Variants in CLASRP observed in about 807,000 individuals in gnomAD.
CLASRP encodes CLK4 associating serine/arginine rich protein, also known as CLK4-associating serine/arginine rich protein.
CLASRP carries 52 observed loss-of-function variants against 99.9 expected under a neutral mutation model. The observed-to-expected ratio is 0.52, with a 90% confidence interval of 0.42 to 0.66. CLASRP has a LOEUF of 0.66. Ranked by LOEUF, CLASRP falls within the 30% of genes least tolerant of loss-of-function variation. The pLI is 0.00. For synonymous variants in CLASRP, 379 were observed against 373.0 expected (o/e 1.02, Z -0.18); for missense variants, 848 against 999.2 (o/e 0.85, Z 2.04).
chr19:45,061,618 G>A (rs571477008), intron 10 of CLASRP, among the ~76,000 whole-genome samples: 11 of 152,174 alleles, frequency 7.2e-5, no homozygotes, highest in African/African-American at 2.4e-4. Flanking sequence ...ACTGGTATGC[G>A]TCACCACGCC....
chr19:45,070,192 C>T (rs1230501945), intron 19 of CLASRP, 88 bp downstream of exon 19: 15 of 869,410 alleles, frequency 1.7e-5, no homozygotes, highest in East Asian at 4.9e-5. Flanking sequence ...TACAGCCGGG[C>T]GCGGTGGCTC....
chr19:45,056,234 A>G (rs1038732158), intron 5 of CLASRP, among the ~76,000 whole-genome samples: 2 of 152,180 alleles, frequency 1.3e-5, no homozygotes, highest in Non-Finnish European at 2.9e-5. Context: ...TGAGGCACAG[A>G]TGTGTTAAGT....
intron 2 of CLASRP, among the ~76,000 whole-genome samples, chr19:45,043,057 G>A (rs2122526061): frequency 6.6e-6 from 1 of 152,188 alleles, no homozygotes; most frequent in African/African-American, 2.4e-5. Flanking sequence ...TTCAGGCTGT[G>A]CTTATAAAGT....
intron 2 of CLASRP, among the ~76,000 whole-genome samples, chr19:45,051,277 C>T (rs1233337670): frequency 1.3e-5 from 2 of 152,066 alleles, no homozygotes; most frequent in African/African-American, 4.8e-5. Context: ...ATTGAGCCAC[C>T]ACCTCGAGAG....
intron 11 of CLASRP, among the ~76,000 whole-genome samples, chr19:45,062,698 C>G (rs1313612555): frequency 6.6e-6 from 1 of 152,164 alleles, no homozygotes; most frequent in African/African-American, 2.4e-5. Context: ...TTTTCTTTAT[C>G]TTTGAAGCTT....
Position 45,069,237 on chromosome 19 carries a change from G to C in CLASRP, c.1863G>C (p.Lys621Asn). Reference sequence around the variant, plus strand: ...ACGAGCTTCGAGCCATGGCCCGCAAGATCCGCATGAAGTAAGACCTTGCCC... The same window carrying C: ...ACGAGCTTCGAGCCATGGCCCGCAACATCCGCATGAAGTAAGACCTTGCCC... Reference protein sequence around the residue: ...REDELRAMARKIRMKERERRE... With the variant: ...REDELRAMARNIRMKERERRE... The change falls in exon 18 of 21, where the codon AAG (lysine) becomes AAC (asparagine). Residue 621 changes from lysine to asparagine, a missense_variant. Around this residue, in one of 8 missense-constraint regions of CLASRP, gnomAD observed 116 missense variants for 162.7 expected, o/e 0.71. Transcript: ENST00000221455. 6.2e-7 allele frequency: 1 copy of C among 1,613,636 alleles called. No individual in the cohort carries two copies. The highest frequency in any genetic ancestry group is 1.8e-4 in the Middle Eastern group (1 of 5,638).
At chr19:45,056,692 G>T (rs866374554) in intron 6 of CLASRP, among the ~76,000 whole-genome samples, 158 bp downstream of exon 6, 1 of 152,184 alleles carries the variant, frequency 6.6e-6, no homozygotes, top group Non-Finnish European at 1.5e-5. Context: ...TGTAGAGGAA[G>T]AAGCCCTGTC....
intron 11 of CLASRP, among the ~76,000 whole-genome samples, chr19:45,063,013 C>T (rs1017931450): frequency 4.4e-4 from 67 of 152,212 alleles, no homozygotes; most frequent in Non-Finnish European, 7.5e-4. Context: ...ATGGGATCTT[C>T]CTCATGGGGC....
intron 1 of CLASRP, among the ~76,000 whole-genome samples, 181 bp downstream of exon 1, chr19:45,039,289 G>T (rs1044085307): frequency 6.6e-6 from 1 of 152,080 alleles, no homozygotes; most frequent in Admixed American, 6.6e-5. Flanking sequence ...CCCGGCTGTG[G>T]GCCAGAAGTT....
Position 45,064,467 on chromosome 19 carries a change from C to T in CLASRP, c.1246C>T (p.Arg416Cys), listed in dbSNP as rs772935482. ...CTACTACCGTTCCGGCCGCCACGCC[C>T]GCTCCCGGTCCCGCTCCTGGTCCCG... ...GGYYRSGRHA[R>C]SRSRSWSRSR... Residue 416 changes from arginine (R) to cysteine (C), a missense_variant, in exon 13 of 21, where the codon CGC becomes TGC. Arg to Cys is a radical substitution (Grantham distance 180). This residue lies in a region of CLASRP where 489 missense variants were observed against 434.7 expected (regional missense o/e 1.12). Transcript: ENST00000221455. 2.0e-6 allele frequency: 3 copies of T among 1,530,350 alleles called. No homozygotes were observed. The highest frequency in any genetic ancestry group is 2.4e-5 in the South Asian group (2 of 83,844). The allele number at this position is 1,530,350 out of a possible 1,614,324, so 94.8% of individuals were successfully genotyped here. A position where few individuals can be genotyped will look rare whatever the true frequency, so the allele number is the denominator to read the frequency against.
At position 45,052,140 on chromosome 19, in the gene CLASRP, G is replaced by A. The variant is rs142091108; in HGVS notation, c.169G>A (p.Ala57Thr). The A allele has an allele frequency of 4.3e-6, 7 of 1,613,846 alleles. No homozygotes were observed. The highest frequency in any genetic ancestry group is 2.7e-5 in the African/African-American group (2 of 74,886). ...CAAGGTGCACCTGGATTCTGCAGTC[G>A]CCCTGGCCGCTGAGAGCCCTGTTAA... ...ACKVHLDSAVALAAESPVNMM... is the reference protein window; with the variant it reads ...ACKVHLDSAVTLAAESPVNMM... The change falls in exon 3 of 21, where the codon GCC (alanine) becomes ACC (threonine). Residue 57 changes from alanine to threonine, a missense_variant. Ala to Thr is a moderately conservative substitution (Grantham distance 58, BLOSUM62 0). This residue lies in a region of CLASRP where 46 missense variants were observed against 96.8 expected (regional missense o/e 0.48). Coordinates refer to ENST00000221455, the MANE Select transcript of CLASRP (RefSeq NM_007056.3).
Position 45,070,915 on chromosome 19 carries a change from A to T in CLASRP, c.*70A>T. 1 of 954,078 alleles carries T rather than the reference A, an allele frequency of 1.0e-6. No homozygotes were observed. The highest frequency in any genetic ancestry group is 1.6e-6 in the Non-Finnish European group (1 of 617,806). 59.1% of individuals were successfully genotyped at this position (954,078 alleles called of 1,614,324 possible). ...CTCAAGCTGTGATGCTGCTGGTTTT[A>T]TCTCTAGTGAAATAAAGTCAAAAGT... On this transcript the variant is annotated 3_prime_UTR_variant, in exon 21 of 21. Transcript: ENST00000221455.
At chr19:45,044,276 G>A (rs954175246) in intron 2 of CLASRP, among the ~76,000 whole-genome samples, 2 of 152,244 alleles carry the variant, frequency 1.3e-5, no homozygotes, top group African/African-American at 4.8e-5. Flanking sequence ...GGTAGGTATT[G>A]ATCATGCCTG....
rs1228602323 is a variant in CLASRP, at chr19:45,067,291, G to A, written c.1410-46G>A. 4.8e-6 allele frequency: 7 copies of A among 1,454,980 alleles called. No homozygotes were observed. In the South Asian group the frequency reaches 8.4e-5, roughly 18 times the overall value. The allele number at this position is 1,454,980 out of a possible 1,614,324, so 90.1% of individuals were successfully genotyped here. A position where few individuals can be genotyped will look rare whatever the true frequency, so the allele number is the denominator to read the frequency against. On this transcript the variant is annotated intron_variant, in intron 13 of 20. Transcript: ENST00000221455. The surrounding 1 kb of genome is among the most constrained non-coding windows in gnomAD (Gnocchi z 4.9). ...GGACCCAGGGTGGGGTGCGGTTGGGGTCCCTGGAGCCTCACAGTCCTCCTC... is the reference window on the plus strand; with the variant it reads ...GGACCCAGGGTGGGGTGCGGTTGGGATCCCTGGAGCCTCACAGTCCTCCTC...
chr19:45,053,286 C>G lies in CLASRP; in HGVS notation c.379+109C>G, dbSNP rs983508146. On this transcript the variant is annotated intron_variant, in intron 5 of 20. Coordinates refer to ENST00000221455, the MANE Select transcript of CLASRP (RefSeq NM_007056.3). ...TATCCACATACTTTCTACTAAAGGG[C>G]CTTGGGTTCCGGCTCCAGCTCTACG... 9 of 1,046,564 alleles carry G rather than the reference C, an allele frequency of 8.6e-6. No individual in the cohort carries two copies. The African/African-American group carries it at 1.1e-4, about 13-fold the overall frequency. 64.8% of individuals were successfully genotyped at this position (1,046,564 alleles called of 1,614,324 possible).
chr19:45,069,511 T>A, intron 18 of CLASRP: 1 of 582,832 alleles, frequency 1.7e-6, no homozygotes, highest in South Asian at 2.0e-5. Flanking sequence ...TTGCTGTTTT[T>A]TTGGCCTGGC....
chr19:45,059,803 A>G (rs1239115880), intron 8 of CLASRP, among the ~76,000 whole-genome samples: 2 of 152,106 alleles, frequency 1.3e-5, no homozygotes, highest in East Asian at 3.9e-4. Context: ...TGAGCATGGC[A>G]CCCTCTGCCC....
intron 13 of CLASRP, among the ~76,000 whole-genome samples, chr19:45,065,140 C>T (rs1340560253): frequency 6.6e-6 from 1 of 151,998 alleles, no homozygotes; most frequent in Admixed American, 6.6e-5. Context: ...CACCTGTAAT[C>T]CCAGCACTTT....
chr19:45,046,638 C>G (rs1971922198), intron 2 of CLASRP, among the ~76,000 whole-genome samples: 1 of 152,240 alleles, frequency 6.6e-6, no homozygotes, highest in Non-Finnish European at 1.5e-5. Context: ...AGCACAAGGT[C>G]TGCTTAACAG....
Sources: allele counts gnomAD v4.1 joint callset (sites outside exome capture counted in the v4.1 genomes callset), GRCh38; gene constraint gnomAD v4.1.1; regional missense constraint gnomAD v4.1.1; non-coding constraint Gnocchi (gnomAD v3.1); transcripts MANE v1.5; gene names NCBI Gene and HGNC (gene_info 2026-07-23, HGNC 2026-07-21).